The following PRELID2 variants were observed in gnomAD, a reference collection of about 807,000 sequenced individuals.
PRELID2 encodes PRELI domain-containing protein 2.
A neutral mutation model predicts 28.4 loss-of-function variants in PRELID2; 25 were observed. The ratio of observed to expected loss-of-function variants is 0.88; its 90% confidence interval spans 0.64 to 1.23. The LOEUF is 1.23. Among genes scored for constraint, PRELID2 ranks in the 50% most tolerant of loss-of-function variants. PRELID2 has a pLI of 0.00. For synonymous variants in PRELID2, 76 were observed against 71.6 expected (o/e 1.06, Z -0.31); for missense variants, 201 against 214.4 (o/e 0.94, Z 0.39).
chr5:145,558,927 T>C (rs998410880), intron 1 of PRELID2, among the ~76,000 whole-genome samples: 1 of 152,192 alleles, frequency 6.6e-6, no homozygotes, highest in Admixed American at 6.5e-5. Flanking sequence ...TCTATAAAAA[T>C]GTTTGCACAA....
At chr5:145,711,701 C>G (rs540673836) in intron 1 of PRELID2, among the ~76,000 whole-genome samples, 1 of 152,100 alleles carries the variant, frequency 6.6e-6, no homozygotes, top group East Asian at 1.9e-4. Context: ...CCAATGCACT[C>G]CAGTCCCTGA....
chr5:145,501,836 T>A (rs1479764810), intron 1 of PRELID2, among the ~76,000 whole-genome samples: 1 of 152,172 alleles, frequency 6.6e-6, no homozygotes, highest in Non-Finnish European at 1.5e-5. Flanking sequence ...CCCATGAGAT[T>A]CTATGTCCAT....
chr5:145,639,558 A>T (rs748034548), intron 1 of PRELID2, among the ~76,000 whole-genome samples: 11 of 152,310 alleles, frequency 7.2e-5, no homozygotes, highest in Non-Finnish European at 1.6e-4. Flanking sequence ...GGATCCACTG[A>T]TGAGCTTACA....
At chr5:145,372,715 C>A in the PRELID2 span, among the ~76,000 whole-genome samples, 1 of 151,102 alleles carries the variant, frequency 6.6e-6, no homozygotes, top group Non-Finnish European at 1.5e-5. Flanking sequence ...TCTCATCCAT[C>A]CTTTTATTTT....
intron 1 of PRELID2, among the ~76,000 whole-genome samples, chr5:145,651,486 G>A (rs908056444): frequency 6.6e-6 from 1 of 152,182 alleles, no homozygotes; most frequent in African/African-American, 2.4e-5. Flanking sequence ...TCCCTGAGTA[G>A]CATAACTGGG....
chr5:145,605,621 T>C (rs896830221), intron 1 of PRELID2, among the ~76,000 whole-genome samples: 2 of 152,164 alleles, frequency 1.3e-5, no homozygotes, highest in African/African-American at 4.8e-5. Context: ...GCTCTAGCTT[T>C]GTTCTTTTTG....
chr5:145,384,665 T>C, the PRELID2 span, among the ~76,000 whole-genome samples: 158 of 152,258 alleles, frequency 1.0e-3, no homozygotes, highest in Non-Finnish European at 1.9e-3. Flanking sequence ...TTTTGCAGGC[T>C]GTATAGAAAG....
the PRELID2 span, among the ~76,000 whole-genome samples, chr5:145,409,399 T>C: frequency 6.6e-6 from 1 of 152,186 alleles, no homozygotes; most frequent in Non-Finnish European, 1.5e-5. Flanking sequence ...GTAAATGGCC[T>C]AACTGCTCCA....
chr5:145,588,238 A>AT (rs779465461), intron 1 of PRELID2, among the ~76,000 whole-genome samples: 4 of 152,072 alleles, frequency 2.6e-5, no homozygotes, highest in Non-Finnish European at 4.4e-5. Context: ...ATACATAGAT[A>AT]TTTTTCTTAT....
At chr5:145,770,832 C>T (rs1267863765) in intron 5 of PRELID2, among the ~76,000 whole-genome samples, 1 of 152,036 alleles carries the variant, frequency 6.6e-6, no homozygotes, top group Non-Finnish European at 1.5e-5. Flanking sequence ...AATGTGTTTG[C>T]GTTTTAAGCT....
intron 1 of PRELID2, among the ~76,000 whole-genome samples, chr5:145,532,830 G>A (rs998031149): frequency 2.0e-5 from 3 of 152,014 alleles, no homozygotes; most frequent in African/African-American, 7.2e-5. Context: ...ATTCCATTGT[G>A]TATATATGAC....
chr5:145,712,907 G>A (rs1163236371), intron 1 of PRELID2, among the ~76,000 whole-genome samples: 4 of 151,852 alleles, frequency 2.6e-5, no homozygotes, highest in African/African-American at 9.7e-5. Context: ...CAGAGATGAA[G>A]AATATATTTG....
At chr5:145,600,434 A>AAAATATATATAT (rs1315631607) in intron 1 of PRELID2, among the ~76,000 whole-genome samples, 21 of 120,096 alleles carry the variant, frequency 1.7e-4, no homozygotes, top group African/African-American at 7.7e-4. Context: ...AAAAAAAAAA[A>AAAATATATATAT]ATATATATAT....
At chr5:145,812,282 C>T (rs1406267937) in intron 4 of PRELID2, among the ~76,000 whole-genome samples, 6 of 151,428 alleles carry the variant, frequency 4.0e-5, no homozygotes, top group Non-Finnish European at 8.8e-5. Context: ...AAAAAGTGGA[C>T]ATACAGAGAA....
intron 1 of PRELID2, 157 bp downstream of exon 1, chr5:145,835,020 C>A: frequency 1.8e-6 from 1 of 562,384 alleles, no homozygotes; most frequent in Non-Finnish European, 3.2e-6. Flanking sequence ...TAAAGGGAGT[C>A]TTCGAGGAAA....
chr5:145,427,610 T>C, the PRELID2 span, among the ~76,000 whole-genome samples: 1 of 152,206 alleles, frequency 6.6e-6, no homozygotes, highest in Non-Finnish European at 1.5e-5. Flanking sequence ...CAGGCACTTG[T>C]GCGGGATGCT....
At chr5:145,369,294 C>G in the PRELID2 span, among the ~76,000 whole-genome samples, 1 of 152,030 alleles carries the variant, frequency 6.6e-6, no homozygotes, top group African/African-American at 2.4e-5. Flanking sequence ...ACCCAACAGG[C>G]CCTGGTGTGT....
At chr5:145,796,848 C>T (rs888903250) in intron 4 of PRELID2, among the ~76,000 whole-genome samples, 2 of 152,090 alleles carry the variant, frequency 1.3e-5, no homozygotes, top group Admixed American at 6.6e-5. Flanking sequence ...CTCTATAACT[C>T]GGTTTCCTCA....
chr5:145,267,325 T>A, the PRELID2 span, among the ~76,000 whole-genome samples: 2 of 152,018 alleles, frequency 1.3e-5, no homozygotes, highest in African/African-American at 4.8e-5. Context: ...CAAATGTTAA[T>A]CTCCTCTGGC....
Sources: allele counts gnomAD v4.1 joint callset (sites outside exome capture counted in the v4.1 genomes callset), GRCh38; gene constraint gnomAD v4.1.1; transcripts MANE v1.5; gene names NCBI Gene and HGNC (gene_info 2026-07-23, HGNC 2026-07-21).